Variants in KLHDC4 observed in about 807,000 individuals in gnomAD.
KLHDC4 encodes the protein kelch domain-containing protein 4.
In KLHDC4, 90 loss-of-function variants were observed where a neutral mutation model predicts 62.4. That is an observed-to-expected ratio of 1.44 (90% CI 1.22 to 1.72). KLHDC4 has a LOEUF of 1.72. KLHDC4 is among the 40% of genes most tolerant of loss of function. The probability of loss-of-function intolerance (pLI) is 0.00; values close to 1 mark genes in which losing one functional copy is unlikely to be tolerated. For missense variants in KLHDC4, 1,025 were observed against 699.7 expected, an observed-to-expected ratio of 1.47 and a Z score of -5.25; for synonymous variants, 386 against 284.4, an observed-to-expected ratio of 1.36 and a Z score of -3.59.
chr16:87,758,928 C>A (rs1192444406), intron 2 of KLHDC4, among the ~76,000 whole-genome samples: 1 of 152,180 alleles, frequency 6.6e-6, no homozygotes, highest in Non-Finnish European at 1.5e-5. Flanking sequence ...GTAATCCCAG[C>A]ACTTTCGGAG....
At chr16:87,759,656 G>C (rs146294279) in intron 2 of KLHDC4, among the ~76,000 whole-genome samples, 3,962 of 149,844 alleles carry the variant, frequency 0.026, 171 homozygotes, top group African/African-American at 0.091. Flanking sequence ...TGAGGCAGGA[G>C]AATCACTTGA....
Position 87,736,914 on chromosome 16 carries a change from CAGGAG to C in KLHDC4, c.507-6275_507-6271del, listed in dbSNP as rs1419867715. ...CCGAGGTGGGTGGATCACCTGAGGT[CAGGAG>C]TTCGAGACCAGCCTGGCCAACATGG... On this transcript the variant is annotated intron_variant, in intron 5 of 11. Transcript: ENST00000270583. Among the ~76,000 whole-genome samples the C allele has an allele frequency of 2.6e-5, 4 of 151,840 alleles. No individual in the cohort carries two copies. The East Asian group carries it at 7.8e-4, about 30-fold the overall frequency.
chr16:87,730,709 A>G (rs2040195390), intron 5 of KLHDC4, 65 bp from the exon 6 acceptor site: 4 of 1,397,908 alleles, frequency 2.9e-6, no homozygotes, highest in Middle Eastern at 1.8e-4. Flanking sequence ...TAAAGACGAC[A>G]ACAACAAACA....
At position 87,762,005 on chromosome 16, in the gene KLHDC4, T is replaced by G; in HGVS notation, c.135A>C (p.Thr45=). The change falls in exon 2 of 12, where the codon ACA becomes ACC. Residue 45 remains threonine (T), a synonymous_variant. Coordinates refer to ENST00000270583, the MANE Select transcript of KLHDC4 (RefSeq NM_017566.4). ...DLEALIAHFQ[T]LDAKRTQTVE... ...CAGTCTGAGTCCTCTTGGCATCGAGTGTCTGGAAATGGGCTATGAGCGCTT... is the reference window on the plus strand; with the variant it reads ...CAGTCTGAGTCCTCTTGGCATCGAGGGTCTGGAAATGGGCTATGAGCGCTT... The G allele has an allele frequency of 1.2e-6, 2 of 1,613,770 alleles. No individual in the cohort carries two copies. The highest frequency in any genetic ancestry group is 1.7e-6 in the Non-Finnish European group (2 of 1,179,870).
At chr16:87,760,464 A>G (rs1321974972) in intron 2 of KLHDC4, among the ~76,000 whole-genome samples, 4 of 151,492 alleles carry the variant, frequency 2.6e-5, no homozygotes, top group Non-Finnish European at 5.9e-5. Flanking sequence ...AAAATTAGCC[A>G]GGCTTGGTGG....
chr16:87,732,338 T>C (rs2040530311), intron 5 of KLHDC4, among the ~76,000 whole-genome samples: 1 of 152,076 alleles, frequency 6.6e-6, no homozygotes, highest in Non-Finnish European at 1.5e-5. Flanking sequence ...TCAGGTGATT[T>C]GCCTGCCTCG....
At chr16:87,753,430 G>A (rs1047423237) in intron 4 of KLHDC4, among the ~76,000 whole-genome samples, 6 of 139,872 alleles carry the variant, frequency 4.3e-5, no homozygotes, top group Non-Finnish European at 6.2e-5. Flanking sequence ...TAGAGAGAGC[G>A]TCAAAGATCA....
rs2040163927 is a variant in KLHDC4, at chr16:87,730,541, T to C, written c.599+11A>G. 3.7e-6 allele frequency: 6 copies of C among 1,600,338 alleles called. No individual in the cohort carries two copies. The highest frequency in any genetic ancestry group is 4.3e-6 in the Non-Finnish European group (5 of 1,175,260). ...TCAGGAGAGAAAGATTTTTCCGTTC[T>C]TGGTACCAACCGTGTACTTTCATGG... is the stretch of plus-strand genomic sequence containing the variant. On this transcript the variant is annotated intron_variant, in intron 6 of 11. Transcript: ENST00000270583.
intron 6 of KLHDC4, among the ~76,000 whole-genome samples, chr16:87,729,535 GA>G (rs1459804025): frequency 6.6e-6 from 1 of 152,148 alleles, no homozygotes; most frequent in Non-Finnish European, 1.5e-5. Context: ...CAGAAACAGG[GA>G]TAACCAGCTC....
intron 5 of KLHDC4, 115 bp from the exon 6 acceptor site, chr16:87,730,759 T>G (rs2040204904): frequency 1.2e-6 from 1 of 829,016 alleles, no homozygotes. Flanking sequence ...TGTGAGCACT[T>G]ACTGCTCACA....
At chr16:87,705,882 G>T (rs1028316050), downstream of KLHDC4, among the ~76,000 whole-genome samples, 1 of 152,222 alleles carries the variant, frequency 6.6e-6, no homozygotes, top group Non-Finnish European at 1.5e-5. Flanking sequence ...GAGAGTGTGA[G>T]GAAAGGACCT....
chr16:87,748,665 C>T lies in KLHDC4; in HGVS notation c.506+8G>A, dbSNP rs1313368017. 9 of 1,613,524 alleles carry T rather than the reference C, an allele frequency of 5.6e-6. 1 individual carries two copies. Among genetic ancestry groups the T allele is most frequent in the South Asian group, 4.4e-5 (4 of 91,026 alleles). On this transcript the variant is annotated splice_region_variant and intron_variant, in intron 5 of 11. Transcript: ENST00000270583. ...GCCCGGAGCTCAGCTTCTCATCTGG[C>T]TTCTTACTTGACTTGTTCCCAGGTC...
intron 5 of KLHDC4, among the ~76,000 whole-genome samples, chr16:87,747,864 G>A (rs2043270505): frequency 6.6e-6 from 1 of 152,236 alleles, no homozygotes; most frequent in African/African-American, 2.4e-5. Context: ...TCCGGCTGAA[G>A]CCCCAGGATG....
chr16:87,739,743 AGCCCGTCACAGAGGCCACGTG>A (rs2041961185), intron 5 of KLHDC4: 1 of 152,380 alleles, frequency 6.6e-6, no homozygotes, highest in Non-Finnish European at 1.5e-5. Context: ...CGGAAAGAAG[AGCCCGTCACAGAGGCCACGTG>A]TTTTGATTCC....
chr16:87,730,695 G>C (rs373461271), intron 5 of KLHDC4, 51 bp from the exon 6 acceptor site: 87 of 1,507,170 alleles, frequency 5.8e-5, no homozygotes, highest in Non-Finnish European at 7.6e-5. Context: ...ATTTCTGGTT[G>C]TTCTAAAGAC....
At chr16:87,747,505 T>C (rs906877319) in intron 5 of KLHDC4, 1 of 152,204 alleles carries the variant, frequency 6.6e-6, no homozygotes, top group Non-Finnish European at 1.5e-5. Flanking sequence ...ATTACGAACC[T>C]TTCTCAAAGC....
chr16:87,719,061 C>T (rs2037705608), intron 7 of KLHDC4, among the ~76,000 whole-genome samples: 1 of 150,624 alleles, frequency 6.6e-6, no homozygotes, highest in Non-Finnish European at 1.5e-5. Flanking sequence ...GGGGGCAGCC[C>T]CCGCCCGGCC....
intron 2 of KLHDC4, among the ~76,000 whole-genome samples, chr16:87,759,650 G>A (rs1567835080): frequency 2.0e-5 from 3 of 150,530 alleles, no homozygotes; most frequent in Admixed American, 6.6e-5. Flanking sequence ...GGAGGCTGAG[G>A]CAGGAGAATC....
chr16:87,708,656 G>A, intron 10 of KLHDC4, 190 bp from the exon 11 acceptor site: 1 of 429,684 alleles, frequency 2.3e-6, no homozygotes, highest in Non-Finnish European at 4.1e-6. Context: ...TGGGCTTCAG[G>A]ACAGAGATCC....
Sources: gnomAD v4.1 joint callset for allele counts (sites outside exome capture counted in the v4.1 genomes callset) on GRCh38, gnomAD v4.1.1 for gene constraint, MANE v1.5 for transcripts, NCBI Gene and HGNC (gene_info 2026-07-23, HGNC 2026-07-21) for gene names.